The following GSE1 variants were observed in gnomAD, a reference collection of about 807,000 sequenced individuals.
GSE1 encodes the protein Gse1 coiled-coil protein.
GSE1 carries 32 observed loss-of-function variants against 112.6 expected under a neutral mutation model. The observed-to-expected ratio is 0.28, with a 90% confidence interval of 0.21 to 0.38. GSE1 has a LOEUF of 0.38. GSE1 is among the 10% of genes least tolerant of loss of function. The pLI, the probability that GSE1 is intolerant of heterozygous loss-of-function variation, is 1.00. For missense variants in GSE1, 2,348 were observed against 1,699.2 expected, an observed-to-expected ratio of 1.38 and a Z score of -6.71; for synonymous variants, 1,115 against 735.6, an observed-to-expected ratio of 1.52 and a Z score of -8.35.
intron 1 of GSE1, among the ~76,000 whole-genome samples, chr16:85,605,284 C>T (rs1396210012): frequency 1.3e-5 from 2 of 151,944 alleles, no homozygotes; most frequent in Non-Finnish European, 2.9e-5. Flanking sequence ...TCCAAGGCCT[C>T]TCCTAATGTC....
At chr16:85,499,426 T>C (rs2051290990) in intron 2 of GSE1, among the ~76,000 whole-genome samples, 1 of 146,332 alleles carries the variant, frequency 6.8e-6, no homozygotes, top group Non-Finnish European at 1.5e-5. Flanking sequence ...TTCTCCTGCC[T>C]CAGCCTCCCA....
chr16:85,278,099 C>T (rs112840157), intron 1 of GSE1, among the ~76,000 whole-genome samples: 1 of 152,378 alleles, frequency 6.6e-6, no homozygotes, highest in Admixed American at 6.5e-5. Flanking sequence ...GGCATGGCCC[C>T]GTTTTACAGA....
chr16:85,171,836 A>T (rs2074363247), intron 1 of GSE1: 1 of 967,788 alleles, frequency 1.0e-6, no homozygotes, highest in South Asian at 4.8e-5. Context: ...CTCATCTTAG[A>T]CGCTTCCTCC....
chr16:85,197,594 G>A (rs1425210726), intron 1 of GSE1, among the ~76,000 whole-genome samples: 2 of 152,138 alleles, frequency 1.3e-5, no homozygotes, highest in African/African-American at 4.8e-5. Context: ...CTGCGTCGCC[G>A]GCAGTCACAA....
intron 1 of GSE1, among the ~76,000 whole-genome samples, chr16:85,253,153 C>T (rs1046345982): frequency 1.3e-5 from 2 of 149,590 alleles, no homozygotes; most frequent in Non-Finnish European, 3.0e-5. Context: ...ATATGCCACG[C>T]GGGAATGAGC....
At chr16:85,412,472 T>C (rs1487484367) in intron 2 of GSE1, among the ~76,000 whole-genome samples, 2 of 18,028 alleles carry the variant, frequency 1.1e-4, no homozygotes, top group Non-Finnish European at 1.0e-4. Context: ...AGGGCCCCCC[T>C]GGATAATCCT....
intron 2 of GSE1, among the ~76,000 whole-genome samples, chr16:85,425,460 G>A (rs554461635): frequency 6.6e-6 from 1 of 152,298 alleles, no homozygotes; most frequent in Admixed American, 6.5e-5. Flanking sequence ...TCAGGGGAAG[G>A]GAAGTCGCCC....
intron 2 of GSE1, among the ~76,000 whole-genome samples, chr16:85,507,587 G>T (rs1321228194): frequency 6.6e-6 from 1 of 152,124 alleles, no homozygotes; most frequent in Admixed American, 6.5e-5. Context: ...TGTGAGCAGG[G>T]TTGCTTTCCT....
At chr16:85,501,953 G>C (rs930320972) in intron 2 of GSE1, among the ~76,000 whole-genome samples, 41 of 152,236 alleles carry the variant, frequency 2.7e-4, no homozygotes, top group African/African-American at 9.9e-4. Context: ...ATATTTTGTT[G>C]GGGGGCAGGG....
In GSE1 at chr16:85,654,616, C is replaced by G. The variant is rs1223429610; in HGVS notation, c.599+166C>G. Among the ~76,000 whole-genome samples, 3 of 152,182 alleles carry G rather than the reference C, an allele frequency of 2.0e-5. No individual in the cohort carries two copies. In the South Asian group the frequency reaches 6.2e-4, roughly 31 times the overall value. The stretch of plus-strand genomic sequence containing the variant: ...GCAGCCCTGTCTGTGCCCCTTCACA[C>G]TGAGGTGGCAGTGGCAGCTCGCTCC... On this transcript the variant is annotated intron_variant, in intron 4 of 15. Transcript: ENST00000253458.
intron 1 of GSE1, among the ~76,000 whole-genome samples, chr16:85,304,897 C>G (rs1206706682): frequency 6.6e-6 from 1 of 152,152 alleles, no homozygotes; most frequent in African/African-American, 2.4e-5. Context: ...TTTTGAGCCC[C>G]TAAAAAAAAT....
chr16:85,401,726 C>T (rs1296668822), intron 2 of GSE1, among the ~76,000 whole-genome samples: 1 of 152,226 alleles, frequency 6.6e-6, no homozygotes, highest in African/African-American at 2.4e-5. Context: ...CTGCTGTGTA[C>T]ACGCAGCACT....
At chr16:85,613,062 G>C (rs561493348), upstream of GSE1, 82 of 474,216 alleles carry the variant, frequency 1.7e-4, 1 homozygote, top group East Asian at 3.8e-3. Context: ...CCGGGGAGGG[G>C]CGTGTGCCTG....
At chr16:85,197,401 TC>T (rs2074948563) in intron 1 of GSE1, among the ~76,000 whole-genome samples, 1 of 152,218 alleles carries the variant, frequency 6.6e-6, no homozygotes, top group Non-Finnish European at 1.5e-5. Context: ...TCGGGGAATT[TC>T]TTACATATAA....
Position 85,434,307 on chromosome 16 carries a change from CTAATAATAATAATAATAA to C in GSE1, c.2464+76687_2464+76704del, listed in dbSNP as rs59877761. 1.9e-4 allele frequency among the ~76,000 whole-genome samples: 27 copies of C among 142,294 alleles called. 1 individual carries two copies. The East Asian group carries it at 5.2e-3, about 27-fold the overall frequency. The allele number at this position is 142,294 out of a possible 152,430, so 93.4% of individuals were successfully genotyped here. On this transcript the variant is annotated intron_variant, in intron 2 of 2. Coordinates refer to the GSE1 transcript ENST00000637419. ...GCCTAGGAGTCACTAGGATGGTGGTCTAATAATAATAATAATAATAATAATAATAATAATAATAATCAG... is the reference window on the plus strand; with the variant it reads ...GCCTAGGAGTCACTAGGATGGTGGTCTAATAATAATAATAATAATAATCAG...
At chr16:85,462,014 T>G (rs151326369) in intron 2 of GSE1, among the ~76,000 whole-genome samples, 2 of 152,276 alleles carry the variant, frequency 1.3e-5, no homozygotes, top group Non-Finnish European at 2.9e-5. Context: ...TCACAGCACT[T>G]ATCTGGAAAG....
chr16:85,656,727 G>T, intron 7 of GSE1, 62 bp downstream of exon 7: 2 of 1,441,696 alleles, frequency 1.4e-6, no homozygotes, highest in South Asian at 2.9e-5. Flanking sequence ...GAGGAGCCCT[G>T]AATCGCAGCA....
chr16:85,499,876 A>G (rs1288175738), intron 2 of GSE1, among the ~76,000 whole-genome samples: 2 of 152,218 alleles, frequency 1.3e-5, no homozygotes, highest in East Asian at 1.9e-4. Flanking sequence ...CATCACGTAC[A>G]TGGGAAAAAC....
intron 2 of GSE1, among the ~76,000 whole-genome samples, chr16:85,640,694 C>G (rs528388645): frequency 1.2e-4 from 19 of 152,374 alleles, no homozygotes; most frequent in African/African-American, 4.6e-4. Flanking sequence ...GGGAGAGGCT[C>G]CCCCTTTCTG....
Sources: allele counts gnomAD v4.1 joint callset (sites outside exome capture counted in the v4.1 genomes callset), GRCh38; gene constraint gnomAD v4.1.1; transcripts MANE v1.5; gene names NCBI Gene and HGNC (gene_info 2026-07-23, HGNC 2026-07-21).